Variants in LPGAT1 observed in about 807,000 individuals in gnomAD.
LPGAT1 encodes the protein acyl-CoA:lysophosphatidylglycerol acyltransferase 1.
Under a neutral mutation model 47.5 loss-of-function variants are expected in LPGAT1, and 11 were observed. The observed-to-expected ratio is 0.23, with a 90% CI of 0.15 to 0.38. The LOEUF (loss-of-function observed/expected upper bound fraction) is 0.38. LPGAT1 is among the 10% of genes least tolerant of loss of function. LPGAT1 has a pLI of 1.00. For synonymous variants in LPGAT1, 138 were observed against 144.2 expected (o/e 0.96, Z 0.31); for missense variants, 293 against 439.0 (o/e 0.67, Z 2.97).
intron 7 of LPGAT1, among the ~76,000 whole-genome samples, chr1:211,750,336 C>T (rs1017906919): frequency 1.3e-5 from 2 of 152,180 alleles, no homozygotes; most frequent in African/African-American, 4.8e-5. Flanking sequence ...TTCCCCCTCC[C>T]ATCTCTGTTT....
In LPGAT1 at chr1:211,829,130, T is replaced by C. The variant is rs755147119; in HGVS notation, c.167A>G (p.Tyr56Cys). Residue 56 changes from tyrosine to cysteine, a missense_variant, in exon 2 of 8, where the codon TAT (tyrosine) becomes TGT (cysteine). Coordinates refer to ENST00000366997, the MANE Select transcript of LPGAT1 (RefSeq NM_014873.3). ...LRVLDSKRFW[Y>C]IEGIMYKWLL... ...CCATTTATACATGATTCCTTCGATA[T>C]ACCAGAACCGCTTACTGTCCAGCAC... 1 of 1,614,158 alleles carries C rather than the reference T, an allele frequency of 6.2e-7. No homozygotes were observed. Among genetic ancestry groups the C allele is most frequent in the Non-Finnish European group, 8.5e-7 (1 of 1,180,018 alleles).
At chr1:211,777,021 T>C (rs1475297103) in intron 6 of LPGAT1, among the ~76,000 whole-genome samples, 2 of 128,048 alleles carry the variant, frequency 1.6e-5, no homozygotes, top group Non-Finnish European at 3.1e-5. Flanking sequence ...AATGCTGCAT[T>C]TAAAAAATTT....
Position 211,749,764 on chromosome 1 carries a change from G to T in LPGAT1, c.*135C>A. On this transcript the variant is annotated 3_prime_UTR_variant, in exon 8 of 8. Transcript: ENST00000366997. ...TAGATTTTAAAATATCCCAAAGGGG[G>T]ATAAATATTAATCCATCCATTGAAT... 1 of 860,654 alleles carries T rather than the reference G, an allele frequency of 1.2e-6. No homozygotes were observed. Among genetic ancestry groups the T allele is most frequent in the Non-Finnish European group, 1.9e-6 (1 of 532,912 alleles). The allele number at this position is 860,654 out of a possible 1,614,324, so 53.3% of individuals were successfully genotyped here.
chr1:211,823,914 T>C (rs542225704), intron 2 of LPGAT1, among the ~76,000 whole-genome samples: 3 of 149,590 alleles, frequency 2.0e-5, no homozygotes, highest in African/African-American at 7.4e-5. Context: ...CACTCTAGCC[T>C]GGGCAACAGA....
At chr1:211,809,688 C>T (rs948993990) in intron 2 of LPGAT1, among the ~76,000 whole-genome samples, 4 of 152,172 alleles carry the variant, frequency 2.6e-5, no homozygotes, top group African/African-American at 9.7e-5. Flanking sequence ...CTTACACAAG[C>T]TCTCTCTTGC....
chr1:211,817,191 G>C (rs905999007), intron 2 of LPGAT1, among the ~76,000 whole-genome samples: 1 of 152,142 alleles, frequency 6.6e-6, no homozygotes, highest in African/African-American at 2.4e-5. Flanking sequence ...ATATTAGGGG[G>C]AAACGTATAT....
At chr1:211,808,927 G>A (rs1659860592) in intron 2 of LPGAT1, among the ~76,000 whole-genome samples, 1 of 152,076 alleles carries the variant, frequency 6.6e-6, no homozygotes, top group Non-Finnish European at 1.5e-5. Flanking sequence ...GCCAGGCACG[G>A]TGGCTCACGC....
intron 3 of LPGAT1, among the ~76,000 whole-genome samples, chr1:211,791,255 G>C (rs535965684): frequency 5.3e-5 from 8 of 152,126 alleles, no homozygotes; most frequent in African/African-American, 1.9e-4. Flanking sequence ...AAAATCTCTG[G>C]AACCTAAACA....
chr1:211,766,636 C>A (rs1289742076), intron 6 of LPGAT1, among the ~76,000 whole-genome samples: 1 of 152,208 alleles, frequency 6.6e-6, no homozygotes, highest in Non-Finnish European at 1.5e-5. Context: ...GTACTGGCAA[C>A]ACAGTACACT....
rs1409111268 is a variant in LPGAT1 at position 211,744,831 on chromosome 1, A to G, written c.*5068T>C. The G allele has an allele frequency of 1.3e-5, 2 of 152,612 alleles. No homozygotes were observed. Among genetic ancestry groups the G allele is most frequent in the Non-Finnish European group, 2.9e-5 (2 of 68,060 alleles). 9.5% of individuals were successfully genotyped at this position (152,612 alleles called of 1,614,324 possible). On this transcript the variant is annotated 3_prime_UTR_variant, in exon 8 of 8. Transcript: ENST00000366997. Reference sequence around the variant, plus strand: ...GAAATATTTTTAAACCAAAGAAGGAAGTCTGATGTTTTTTCATTTGGTTTT... The same window carrying G: ...GAAATATTTTTAAACCAAAGAAGGAGGTCTGATGTTTTTTCATTTGGTTTT...
intron 2 of LPGAT1, among the ~76,000 whole-genome samples, chr1:211,796,549 A>C (rs999001646): frequency 2.0e-5 from 3 of 152,208 alleles, no homozygotes; most frequent in African/African-American, 7.2e-5. Context: ...CTTGATTTCA[A>C]GACTTCTAAC....
rs571792165 is a variant in LPGAT1, at chr1:211,770,378, G to C, written c.854+8540C>G. Reference sequence around the variant, plus strand: ...ATTTTGCCCTGTTTTGCATTTCCCTGATCTTTTCATATATTTTTATTTCTA... The same window carrying C: ...ATTTTGCCCTGTTTTGCATTTCCCTCATCTTTTCATATATTTTTATTTCTA... On this transcript the variant is annotated intron_variant, in intron 6 of 7. Coordinates refer to ENST00000366997, the MANE Select transcript of LPGAT1 (RefSeq NM_014873.3). Among the ~76,000 whole-genome samples the C allele has an allele frequency of 3.9e-5, 6 of 152,128 alleles. No homozygotes were observed. In the South Asian group the frequency reaches 1.2e-3, roughly 32 times the overall value.
intron 6 of LPGAT1, among the ~76,000 whole-genome samples, 173 bp from the exon 7 acceptor site, chr1:211,751,240 C>T (rs1176415416): frequency 1.3e-5 from 2 of 152,198 alleles, no homozygotes; most frequent in Non-Finnish European, 2.9e-5. Flanking sequence ...TTGTTGATTA[C>T]ACAAGAGAGT....
intron 2 of LPGAT1, among the ~76,000 whole-genome samples, chr1:211,808,556 C>T (rs1416679021): frequency 6.6e-6 from 1 of 152,024 alleles, no homozygotes; most frequent in African/African-American, 2.4e-5. Context: ...AAAATGAGTA[C>T]AATTTTAAAA....
rs906341683 is a variant in LPGAT1, at chr1:211,757,414, A to G, written c.855-6347T>C. ...ATATTACTTACCTTACAAAGTTGCT[A>G]AATATGTAAAGTGCTTACATATATA... On this transcript the variant is annotated intron_variant, in intron 6 of 7. Coordinates refer to ENST00000366997, the MANE Select transcript of LPGAT1 (RefSeq NM_014873.3). 3.9e-5 allele frequency among the ~76,000 whole-genome samples: 6 copies of G among 152,356 alleles called. No individual in the cohort carries two copies. The East Asian group carries it at 1.2e-3, about 29-fold the overall frequency.
chr1:211,796,498 C>T (rs1659357412), intron 2 of LPGAT1, among the ~76,000 whole-genome samples: 1 of 152,180 alleles, frequency 6.6e-6, no homozygotes, highest in Non-Finnish European at 1.5e-5. Flanking sequence ...AGGGAAGAGC[C>T]TCCCTGAGAG....
chr1:211,800,521 T>A (rs1659532903), intron 2 of LPGAT1, among the ~76,000 whole-genome samples: 1 of 152,164 alleles, frequency 6.6e-6, no homozygotes, highest in Non-Finnish European at 1.5e-5. Flanking sequence ...TCAAAGATAA[T>A]AACTGGGAAT....
rs557115343 is a variant in LPGAT1 at position 211,805,265 on chromosome 1, T to G, written c.239-12075A>C. 1.8e-4 allele frequency among the ~76,000 whole-genome samples: 28 copies of G among 152,336 alleles called. 1 individual carries two copies. In the South Asian group the frequency reaches 5.0e-3, roughly 27 times the overall value. On this transcript the variant is annotated intron_variant, in intron 2 of 7. Coordinates refer to ENST00000366997, the MANE Select transcript of LPGAT1 (RefSeq NM_014873.3). The stretch of plus-strand genomic sequence containing the variant: ...AAAGAGAAGACATCACTACAAACGT[T>G]CCTTGATTTATCATGGGGTTCCTGA...
At chr1:211,827,844 G>A (rs1004658858) in intron 2 of LPGAT1, among the ~76,000 whole-genome samples, 1 of 152,146 alleles carries the variant, frequency 6.6e-6, no homozygotes, top group Non-Finnish European at 1.5e-5. Context: ...CACTATCCCA[G>A]GGGCTTCAGC....
Sources: allele counts gnomAD v4.1 joint callset (sites outside exome capture counted in the v4.1 genomes callset), GRCh38; gene constraint gnomAD v4.1.1; transcripts MANE v1.5; gene names NCBI Gene and HGNC (gene_info 2026-07-23, HGNC 2026-07-21).